HOMER2: variants seen among roughly 807,000 people sequenced by gnomAD.
The protein encoded by HOMER2 is homer protein homolog 2.
In HOMER2, 27 loss-of-function variants were observed where a neutral mutation model predicts 47.0. The ratio of observed to expected loss-of-function variants is 0.57; its 90% CI spans 0.42 to 0.79. The LOEUF (loss-of-function observed/expected upper bound fraction) is 0.79. Ranked by LOEUF, HOMER2 falls within the 30% of genes least tolerant of loss-of-function variation. The probability of loss-of-function intolerance (pLI) is 0.00; values close to 1 mark genes in which losing one functional copy is unlikely to be tolerated. For missense variants in HOMER2, 443 were observed against 435.0 expected, an observed-to-expected ratio of 1.02 and a Z score of -0.16; for synonymous variants, 161 against 163.8, an observed-to-expected ratio of 0.98 and a Z score of 0.13.
chr15:82,875,378 C>A lies in HOMER2; in HGVS notation c.189G>T (p.Pro63=), dbSNP rs746991345. Residue 63 remains proline (P), a synonymous_variant, in exon 3 of 9, where the codon CCG becomes CCT. Coordinates refer to ENST00000450735, the MANE Select transcript of HOMER2 (RefSeq NM_004839.4). The part of the protein sequence containing the change: ...AKVIINSTIT[P]NMTFTKTSQK... Reference sequence around the variant, plus strand: ...GTGACGTTTTGGTGAAGGTCATATTCGGTGTGATTGTGCTGTTTATGATCA... The same window carrying A: ...GTGACGTTTTGGTGAAGGTCATATTAGGTGTGATTGTGCTGTTTATGATCA... The A allele has an allele frequency of 6.8e-6, 11 of 1,613,846 alleles. No individual in the cohort carries two copies. Among genetic ancestry groups the A allele is most frequent in the African/African-American group, 1.3e-5 (1 of 74,916 alleles).
At chr15:82,895,648 G>A (rs1011925316) in intron 1 of HOMER2, among the ~76,000 whole-genome samples, 1 of 152,198 alleles carries the variant, frequency 6.6e-6, no homozygotes, top group African/African-American at 2.4e-5. Flanking sequence ...CACTAAATGG[G>A]CTGGGCTGGG....
At chr15:82,978,141 C>T (rs2030269186) in intron 1 of HOMER2, among the ~76,000 whole-genome samples, 1 of 152,026 alleles carries the variant, frequency 6.6e-6, no homozygotes, top group African/African-American at 2.4e-5. Context: ...CAGAGGGAGA[C>T]CCCATATTGA....
intron 5 of HOMER2, 137 bp from the exon 6 acceptor site, chr15:82,854,937 GT>G: frequency 9.9e-7 from 1 of 1,010,104 alleles, no homozygotes; most frequent in Non-Finnish European, 1.4e-6. Flanking sequence ...AAGCTGGCAG[GT>G]GGGTCTGGCT....
intron 3 of HOMER2, among the ~76,000 whole-genome samples, chr15:82,868,756 G>A (rs1461327398): frequency 6.6e-6 from 1 of 150,778 alleles, no homozygotes; most frequent in Non-Finnish European, 1.5e-5. Flanking sequence ...TCACCATGTT[G>A]GCCAGGCTAG....
rs143335964 is a variant in HOMER2 at position 82,900,685 on chromosome 15, T to G, written c.6-7844A>C. Reference sequence around the variant, plus strand: ...AGTGAGTGCATGACACAGGCAGTATTGCTCATTAGTGGAGACACAGAAATC... The same window carrying G: ...AGTGAGTGCATGACACAGGCAGTATGGCTCATTAGTGGAGACACAGAAATC... On this transcript the variant is annotated intron_variant, in intron 1 of 8. Coordinates refer to ENST00000450735, the MANE Select transcript of HOMER2 (RefSeq NM_004839.4). 2.6e-5 allele frequency among the ~76,000 whole-genome samples: 4 copies of G among 152,280 alleles called. No individual in the cohort carries two copies. In the East Asian group the frequency reaches 7.7e-4, roughly 29 times the overall value.
intron 2 of HOMER2, among the ~76,000 whole-genome samples, chr15:82,889,151 G>A (rs1452132708): frequency 6.6e-6 from 1 of 152,214 alleles, no homozygotes; most frequent in African/African-American, 2.4e-5. Flanking sequence ...CTAAGACACA[G>A]CCCCAAAAGC....
At chr15:82,936,582 T>C (rs2054147755) in intron 1 of HOMER2, among the ~76,000 whole-genome samples, 1 of 152,158 alleles carries the variant, frequency 6.6e-6, no homozygotes, top group Admixed American at 6.5e-5. Flanking sequence ...CTTTTTTTTG[T>C]TTGTTTTTGA....
intron 2 of HOMER2, among the ~76,000 whole-genome samples, chr15:82,879,020 G>T (rs543840939): frequency 6.6e-6 from 1 of 152,242 alleles, no homozygotes; most frequent in South Asian, 2.1e-4. Context: ...TGCTTTCCAG[G>T]TCACTAATCC....
chr15:82,965,047 T>G (rs1446394482), intron 1 of HOMER2, among the ~76,000 whole-genome samples: 1 of 152,128 alleles, frequency 6.6e-6, no homozygotes, highest in Non-Finnish European at 1.5e-5. Flanking sequence ...TGAGACAGGG[T>G]CTCACTGCAT....
At chr15:82,941,442 C>CAAAAAAAAAAAA (rs10602958) in intron 1 of HOMER2, among the ~76,000 whole-genome samples, 1 of 74,446 alleles carries the variant, frequency 1.3e-5, no homozygotes, top group Admixed American at 1.7e-4. Flanking sequence ...GAGTCTGTCT[C>CAAAAAAAAAAAA]AAAAAAAAAA....
chr15:82,985,033 A>ATGTCACT (rs1299036319), intron 1 of HOMER2, among the ~76,000 whole-genome samples: 2 of 152,196 alleles, frequency 1.3e-5, no homozygotes, highest in Non-Finnish European at 2.9e-5. Flanking sequence ...CTAGGTAGAG[A>ATGTCACT]TGTCACTTTC....
At chr15:82,977,546 T>C (rs2030248118) in intron 1 of HOMER2, among the ~76,000 whole-genome samples, 1 of 142,538 alleles carries the variant, frequency 7.0e-6, no homozygotes, top group Non-Finnish European at 1.5e-5. Context: ...GAGGAGACCT[T>C]AGAAATTGGA....
Position 82,859,065 on chromosome 15 carries a change from G to C in HOMER2, c.458C>G (p.Ser153Cys). ...HAGPANTHLK[S>C]ENDKLKIALT... Reference sequence around the variant, plus strand: ...GGCAATCTTCAGCTTGTCATTCTCAGACTTCAGGTGTGTGTTGGCTGGACC... The same window carrying C: ...GGCAATCTTCAGCTTGTCATTCTCACACTTCAGGTGTGTGTTGGCTGGACC... Residue 153 changes from serine (S) to cysteine (C), a missense_variant, in exon 5 of 9, where the codon TCT (serine) becomes TGT (cysteine). Transcript: ENST00000450735. 6.2e-7 allele frequency: 1 copy of C among 1,614,000 alleles called. No homozygotes were observed. The highest frequency in any genetic ancestry group is 8.5e-7 in the Non-Finnish European group (1 of 1,179,880).
chr15:82,874,302 C>G (rs893248411), intron 3 of HOMER2, among the ~76,000 whole-genome samples: 10 of 152,246 alleles, frequency 6.6e-5, no homozygotes, highest in African/African-American at 2.4e-4. Context: ...CTCTCCTGCA[C>G]TCCTTGAGAG....
intron 1 of HOMER2, among the ~76,000 whole-genome samples, chr15:82,945,277 A>G (rs1350917907): frequency 6.6e-6 from 1 of 152,220 alleles, no homozygotes; most frequent in East Asian, 1.9e-4. Flanking sequence ...ATAGGTTTAC[A>G]AAGATGTATA....
chr15:82,861,926 G>C (rs958412512), intron 4 of HOMER2, among the ~76,000 whole-genome samples: 1 of 152,172 alleles, frequency 6.6e-6, no homozygotes, highest in East Asian at 1.9e-4. Flanking sequence ...AGAATCCCTT[G>C]AACTTGGGAG....
Position 82,907,356 on chromosome 15 carries a change from G to C in HOMER2, c.6-14515C>G, listed in dbSNP as rs191718256. 9.6e-5 allele frequency among the ~76,000 whole-genome samples: 14 copies of C among 145,292 alleles called. No homozygotes were observed. The East Asian group carries it at 2.8e-3, about 29-fold the overall frequency. On this transcript the variant is annotated intron_variant, in intron 1 of 8. Coordinates refer to ENST00000450735, the MANE Select transcript of HOMER2 (RefSeq NM_004839.4). The stretch of plus-strand genomic sequence containing the variant: ...TGGGCGACAGAGCCAGACCCTATCA[G>C]AAAGAAAAGAAAAGAGAAGAGAAGA...
intron 3 of HOMER2, among the ~76,000 whole-genome samples, chr15:82,866,511 G>T (rs1459944612): frequency 4.6e-5 from 7 of 152,146 alleles, no homozygotes; most frequent in Non-Finnish European, 7.3e-5. Flanking sequence ...GGCATGACTG[G>T]TTTTGAAATG....
rs553652367 is a variant in HOMER2, at chr15:82,965,058, T to C, written n.83-5750A>G. Among the ~76,000 whole-genome samples, 20 of 152,280 alleles carry C rather than the reference T, an allele frequency of 1.3e-4. No individual in the cohort carries two copies. The South Asian group carries it at 4.1e-3, about 32-fold the overall frequency. ...TTTTTGAGACAGGGTCTCACTGCAT[T>C]GTCCAGGCTGGAGTGCAGTGGTGCC... On this transcript the variant is annotated intron_variant and non_coding_transcript_variant, in intron 1 of 1. Coordinates refer to the HOMER2 transcript ENST00000500334.
Sources: gnomAD v4.1 joint callset for allele counts (sites outside exome capture counted in the v4.1 genomes callset) on GRCh38, gnomAD v4.1.1 for gene constraint, MANE v1.5 for transcripts, NCBI Gene and HGNC (gene_info 2026-07-23, HGNC 2026-07-21) for gene names.